Variants in TMCC2 observed in about 807,000 individuals in gnomAD.
The protein encoded by TMCC2 is transmembrane and coiled-coil domains protein 2.
A neutral mutation model predicts 49.4 loss-of-function variants in TMCC2; 16 were observed. The observed-to-expected ratio is 0.32, with a 90% CI of 0.22 to 0.49. The LOEUF is 0.49. Ranked by LOEUF, TMCC2 falls within the 20% of genes least tolerant of loss-of-function variation. The pLI is 0.99. For missense variants in TMCC2, 762 were observed against 989.8 expected, an observed-to-expected ratio of 0.77 and a Z score of 3.09; for synonymous variants, 397 against 434.1, an observed-to-expected ratio of 0.91 and a Z score of 1.06.
chr1:205,228,538 G>C lies in TMCC2; in HGVS notation c.-27G>C, dbSNP rs1436181083. On this transcript the variant is annotated 5_prime_UTR_variant, in exon 1 of 5. Transcript: ENST00000358024. ...CCCAAGACGGCGCGCTGGAAGGACA[G>C]ATTCCCCTTGCCGACCCACATACAC... The C allele has an allele frequency of 1.2e-5, 19 of 1,578,584 alleles. No individual in the cohort carries two copies. The highest frequency in any genetic ancestry group is 1.6e-5 in the Non-Finnish European group (19 of 1,156,398).
intron 1 of TMCC2, among the ~76,000 whole-genome samples, chr1:205,235,141 C>T (rs1208207001): frequency 6.6e-6 from 1 of 152,086 alleles, no homozygotes; most frequent in Non-Finnish European, 1.5e-5. Flanking sequence ...CCCGCTTGCA[C>T]CTTATATGAA....
rs1466083221 is a variant in TMCC2, at chr1:205,264,833, G to A, written c.748-4117G>A. Among the ~76,000 whole-genome samples, 1 of 152,152 alleles carries A rather than the reference G, an allele frequency of 6.6e-6. No homozygotes were observed. The highest frequency in any genetic ancestry group is 2.4e-5 in the African/African-American group (1 of 41,422). On this transcript the variant is annotated intron_variant, in intron 2 of 4. Coordinates refer to ENST00000358024, the MANE Select transcript of TMCC2 (RefSeq NM_014858.4). The surrounding 1 kb of genome is among the most constrained non-coding windows in gnomAD (Gnocchi z 4.2). ...TGTATTATTATTATTTTAATCCATGGTTGGTTGAATCCATGGATGTGGAAT... is the reference window on the plus strand; with the variant it reads ...TGTATTATTATTATTTTAATCCATGATTGGTTGAATCCATGGATGTGGAAT...
At chr1:205,242,554 G>A (rs950013887) in intron 2 of TMCC2, among the ~76,000 whole-genome samples, 2 of 152,214 alleles carry the variant, frequency 1.3e-5, no homozygotes, top group African/African-American at 4.8e-5. Flanking sequence ...GATCCATGAA[G>A]GGTGATTTGG....
intron 1 of TMCC2, among the ~76,000 whole-genome samples, chr1:205,239,307 T>C (rs573802412): frequency 6.6e-6 from 1 of 152,298 alleles, no homozygotes; most frequent in East Asian, 1.9e-4. Context: ...TCACATCAGC[T>C]TGGGCCTGGG....
rs1278509183 is a variant in TMCC2 at position 205,241,826 on chromosome 1, G to C, written c.529G>C (p.Gly177Arg). 1 of 1,601,552 alleles carries C rather than the reference G, an allele frequency of 6.2e-7. No homozygotes were observed. Among genetic ancestry groups the C allele is most frequent in the Admixed American group, 1.7e-5 (1 of 58,764 alleles). The stretch of plus-strand genomic sequence containing the variant: ...CAGCAGCAGTGGGGGCGGCAGCAGC[G>C]GGAGCAGCAGCCGGCGCACCAAGAG... Reference protein sequence around the residue: ...LHSSSGGGSSGSSSRRTKSSS... With the variant: ...LHSSSGGGSSRSSSRRTKSSS... The change falls in exon 2 of 5, where the codon GGG becomes CGG. Residue 177 changes from glycine to arginine, a missense_variant. Physicochemically the swap from Gly to Arg is moderately radical, Grantham distance 125. Around this residue, in one of 2 missense-constraint regions of TMCC2, gnomAD observed 322 missense variants for 353.1 expected, o/e 0.91. Coordinates refer to ENST00000358024, the MANE Select transcript of TMCC2 (RefSeq NM_014858.4). The surrounding 1 kb of genome is among the most constrained non-coding windows in gnomAD (Gnocchi z 7.3).
In TMCC2 at chr1:205,241,669, G is replaced by C. The variant is rs1314566787; in HGVS notation, c.372G>C (p.Glu124Asp). The C allele has an allele frequency of 6.2e-7, 1 of 1,613,806 alleles. No homozygotes were observed. Among genetic ancestry groups the C allele is most frequent in the South Asian group, 1.1e-5 (1 of 91,076 alleles). Residue 124 changes from glutamate to aspartate, a missense_variant, in exon 2 of 5, where the codon GAG (glutamate) becomes GAC (aspartate). Physicochemically the swap from Glu to Asp is conservative, Grantham distance 45. Around this residue, in one of 2 missense-constraint regions of TMCC2, gnomAD observed 322 missense variants for 353.1 expected, o/e 0.91. Transcript: ENST00000358024. This position sits in a 1 kb window ranked among gnomAD's most constrained non-coding sequence, Gnocchi z 7.3. ...ACCATGACTCCCCAGATGAGAAGGA[G>C]CGCTCTCCGGAGATGCATCGCGTCT... The part of the protein sequence containing the change: ...MSDHDSPDEK[E>D]RSPEMHRVSY...
intron 2 of TMCC2, chr1:205,257,262 A>C: frequency 8.1e-7 from 1 of 1,232,234 alleles, no homozygotes; most frequent in Non-Finnish European, 1.0e-6. Flanking sequence ...AGTGCTGCCC[A>C]GGGTCTGTGA....
chr1:205,236,166 A>C (rs1392716744), intron 1 of TMCC2, among the ~76,000 whole-genome samples: 1 of 152,134 alleles, frequency 6.6e-6, no homozygotes, highest in Non-Finnish European at 1.5e-5. Flanking sequence ...ACCAGGGAAA[A>C]CAAATCTGGC....
At chr1:205,256,714 C>T (rs1003484034) in intron 2 of TMCC2, among the ~76,000 whole-genome samples, 13 of 152,324 alleles carry the variant, frequency 8.5e-5, no homozygotes, top group African/African-American at 2.9e-4. Context: ...TTAGGATCTG[C>T]CAGGGAGCCC....
chr1:205,244,093 G>A (rs1427625509), intron 2 of TMCC2, among the ~76,000 whole-genome samples: 1 of 152,220 alleles, frequency 6.6e-6, no homozygotes, highest in Non-Finnish European at 1.5e-5. Context: ...GCTGTCATTG[G>A]GAACCATGGC....
At chr1:205,266,743 T>C (rs2102607126) in intron 2 of TMCC2, among the ~76,000 whole-genome samples, 1 of 152,368 alleles carries the variant, frequency 6.6e-6, no homozygotes, top group Middle Eastern at 3.4e-3. Flanking sequence ...GGGATTACGC[T>C]GCCTAGATTC....
At chr1:205,244,762 G>T (rs1357969136) in intron 2 of TMCC2, among the ~76,000 whole-genome samples, 1 of 152,126 alleles carries the variant, frequency 6.6e-6, no homozygotes, top group East Asian at 1.9e-4. Flanking sequence ...TGCTCAAAAG[G>T]TTGGACCTTG....
At chr1:205,267,774 T>A (rs541861281) in intron 2 of TMCC2, 1 of 532,288 alleles carries the variant, frequency 1.9e-6, no homozygotes, top group South Asian at 8.1e-5. Context: ...GCCACCCTGA[T>A]GCACTCGGGA....
At position 205,241,366 on chromosome 1, in the gene TMCC2, C is replaced by A; in HGVS notation, c.208-139C>A. On this transcript the variant is annotated intron_variant, in intron 1 of 4. Coordinates refer to ENST00000358024, the MANE Select transcript of TMCC2 (RefSeq NM_014858.4). This position sits in a 1 kb window ranked among gnomAD's most constrained non-coding sequence, Gnocchi z 7.3. ...TGACCCTTTATGCACGACGGGCCAT[C>A]CACAGAGATCTTCCAGGTTCAGATG... 1 of 968,254 alleles carries A rather than the reference C, an allele frequency of 1.0e-6. No homozygotes were observed. The highest frequency in any genetic ancestry group is 1.5e-6 in the Non-Finnish European group (1 of 657,274). The allele number at this position is 968,254 out of a possible 1,614,324, so 60.0% of individuals were successfully genotyped here.
At chr1:205,232,749 A>G (rs529381460) in intron 1 of TMCC2, among the ~76,000 whole-genome samples, 48 of 152,126 alleles carry the variant, frequency 3.2e-4, no homozygotes, top group African/African-American at 1.0e-3. Context: ...ATCCTGGCCA[A>G]CATGGTAAAA....
At position 205,228,712 on chromosome 1, in the gene TMCC2, G is replaced by A. The variant is rs556554804; in HGVS notation, c.148G>A (p.Asp50Asn). 21 of 1,611,586 alleles carry A rather than the reference G, an allele frequency of 1.3e-5. No individual in the cohort carries two copies. The East Asian group carries it at 4.5e-4, about 34-fold the overall frequency. ...TAACTCTGCTGGCGGGCCAACTTCA[G>A]ACGCCGGCGCTGCCGCGGCGCCCAA... ...GANSAGGPTSDAGAAAAPNPG... is the reference protein window; with the variant it reads ...GANSAGGPTSNAGAAAAPNPG... Residue 50 changes from aspartate to asparagine, a missense_variant, in exon 1 of 5, where the codon GAC becomes AAC. Transcript: ENST00000358024.
intron 2 of TMCC2, among the ~76,000 whole-genome samples, chr1:205,251,277 C>A (rs1660659790): frequency 6.6e-6 from 1 of 152,176 alleles, no homozygotes; most frequent in South Asian, 2.1e-4. Context: ...TTTCCTACCT[C>A]CCTTCTCTGT....
chr1:205,269,624 C>T lies in TMCC2; in HGVS notation c.1422C>T (p.Gly474=), dbSNP rs1159114003. The change falls in exon 3 of 5, where the codon GGC becomes GGT. Residue 474 remains glycine, a synonymous_variant. Coordinates refer to ENST00000358024, the MANE Select transcript of TMCC2 (RefSeq NM_014858.4). The stretch of plus-strand genomic sequence containing the variant: ...CACTCGTCTCCAGCCCCAAGTATGG[C>T]AGCGATGATGAGTGCTCCAGCGCCA... ...SATLVSSPKY[G]SDDECSSASA... The T allele has an allele frequency of 5.6e-6, 9 of 1,613,650 alleles. No homozygotes were observed. Among genetic ancestry groups the T allele is most frequent in the Non-Finnish European group, 7.6e-6 (9 of 1,179,980 alleles).
chr1:205,246,050 C>T (rs997934329), intron 2 of TMCC2, among the ~76,000 whole-genome samples: 5 of 151,982 alleles, frequency 3.3e-5, no homozygotes, highest in Non-Finnish European at 7.4e-5. Flanking sequence ...GTGCTGTGAA[C>T]GGGGCGTGAG....
Sources: gnomAD v4.1 joint callset for allele counts (sites outside exome capture counted in the v4.1 genomes callset) on GRCh38, gnomAD v4.1.1 for gene constraint, gnomAD v4.1.1 regional missense constraint, Gnocchi (gnomAD v3.1) non-coding constraint, MANE v1.5 for transcripts, NCBI Gene and HGNC (gene_info 2026-07-23, HGNC 2026-07-21) for gene names.